The following GATAD2B variants were observed in gnomAD, a reference collection of about 807,000 sequenced individuals.
GATAD2B encodes transcriptional repressor p66-beta.
GATAD2B carries 8 observed loss-of-function variants against 64.3 expected under a neutral mutation model. The observed-to-expected ratio is 0.12, with a 90% confidence interval of 0.07 to 0.22. GATAD2B has a LOEUF of 0.22. Among genes scored for constraint, GATAD2B ranks in the 10% least tolerant of loss-of-function variants. The pLI is 1.00. For missense variants in GATAD2B, 453 were observed against 752.0 expected (o/e 0.60, Z 4.65); for synonymous variants, 281 against 271.3 (o/e 1.04, Z -0.35).
intron 1 of GATAD2B, among the ~76,000 whole-genome samples, chr1:153,874,372 G>A (rs975288734): frequency 6.6e-6 from 1 of 152,054 alleles, no homozygotes; most frequent in African/African-American, 2.4e-5. Context: ...CTACTATGAA[G>A]TGCCCCTAAG....
intron 2 of GATAD2B, among the ~76,000 whole-genome samples, chr1:153,826,597 C>T (rs1674885921): frequency 6.6e-6 from 1 of 151,954 alleles, no homozygotes; most frequent in South Asian, 2.1e-4. Context: ...TACCATTGCA[C>T]TCAGCCTGGG....
intron 1 of GATAD2B, among the ~76,000 whole-genome samples, chr1:153,847,435 A>C (rs1170087112): frequency 1.3e-5 from 2 of 152,248 alleles, no homozygotes; most frequent in African/African-American, 4.8e-5. Context: ...CCCAGCCTGA[A>C]GCGCACTGGT....
intron 1 of GATAD2B, among the ~76,000 whole-genome samples, chr1:153,863,978 G>C (rs1226433845): frequency 6.6e-6 from 1 of 152,030 alleles, no homozygotes; most frequent in Non-Finnish European, 1.5e-5. Flanking sequence ...CTTTCCTTAG[G>C]AATATTTTTT....
rs1213153666 is a variant in GATAD2B, at chr1:153,837,516, T to C, written c.-1-9168A>G. Among the ~76,000 whole-genome samples the C allele has an allele frequency of 2.6e-5, 4 of 152,154 alleles. No individual in the cohort carries two copies. In the South Asian group the frequency reaches 6.2e-4, roughly 24 times the overall value. Reference sequence around the variant, plus strand: ...GATAGTGGTGATGGTTGCAAAACAATGTGAATGTACTTAAATCCACTGAAT... The same window carrying C: ...GATAGTGGTGATGGTTGCAAAACAACGTGAATGTACTTAAATCCACTGAAT... On this transcript the variant is annotated intron_variant, in intron 1 of 10. Coordinates refer to ENST00000368655, the MANE Select transcript of GATAD2B (RefSeq NM_020699.4).
intron 1 of GATAD2B, among the ~76,000 whole-genome samples, chr1:153,873,988 G>A (rs1052607005): frequency 5.9e-5 from 9 of 151,766 alleles, no homozygotes; most frequent in Admixed American, 5.3e-4. Context: ...GACCGGGTGC[G>A]GTGGCTCATG....
At chr1:153,867,995 T>G (rs972210007) in intron 1 of GATAD2B, among the ~76,000 whole-genome samples, 4 of 152,094 alleles carry the variant, frequency 2.6e-5, no homozygotes, top group African/African-American at 9.7e-5. Context: ...GGTCAGGAGT[T>G]CAAGACCAGC....
At chr1:153,853,409 C>T (rs907148420) in intron 1 of GATAD2B, 3 of 647,798 alleles carry the variant, frequency 4.6e-6, no homozygotes, top group Admixed American at 2.3e-5. Flanking sequence ...GCAACAGATG[C>T]CATTTTTCTT....
chr1:153,828,592 T>C (rs1674968948), intron 1 of GATAD2B, among the ~76,000 whole-genome samples: 1 of 152,048 alleles, frequency 6.6e-6, no homozygotes, highest in South Asian at 2.1e-4. Flanking sequence ...TTAAGTAAAC[T>C]TAAATCTACA....
intron 8 of GATAD2B, 60 bp downstream of exon 8, chr1:153,813,190 C>A (rs117896460): frequency 1.0e-5 from 14 of 1,345,476 alleles, no homozygotes; most frequent in Non-Finnish European, 1.3e-5. Context: ...AACTAGAAGG[C>A]GCGACCCTTT....
intron 1 of GATAD2B, chr1:153,890,950 G>T (rs113489222): frequency 0.26 from 39,423 of 152,058 alleles, 5,612 homozygotes; most frequent in Admixed American, 0.38. Context: ...TTGGGAGGCC[G>T]AGGTGGGAGG....
chr1:153,841,124 C>CAAAAAAAAAAAA (rs941317761), intron 1 of GATAD2B, among the ~76,000 whole-genome samples: 1 of 77,438 alleles, frequency 1.3e-5, no homozygotes, highest in East Asian at 3.3e-4. Flanking sequence ...GACTCCGTCT[C>CAAAAAAAAAAAA]AAAAAAAAAA....
intron 1 of GATAD2B, among the ~76,000 whole-genome samples, chr1:153,898,197 T>C (rs1386506274): frequency 6.8e-6 from 1 of 147,708 alleles, no homozygotes; most frequent in Non-Finnish European, 1.5e-5. Context: ...TCCCAGCTAC[T>C]AGAGAGGCTA....
intron 1 of GATAD2B, among the ~76,000 whole-genome samples, chr1:153,884,899 C>T (rs763461613): frequency 1.4e-3 from 208 of 151,878 alleles, no homozygotes; most frequent in Non-Finnish European, 2.2e-3. Flanking sequence ...TGGGATTACA[C>T]GGGCCTGCCA....
At chr1:153,913,115 A>G (rs1678155756) in intron 1 of GATAD2B, among the ~76,000 whole-genome samples, 1 of 151,106 alleles carries the variant, frequency 6.6e-6, no homozygotes, top group African/African-American at 2.4e-5. Flanking sequence ...TTTAGTAGAG[A>G]CAGGGTTTCA....
intron 1 of GATAD2B, among the ~76,000 whole-genome samples, chr1:153,906,585 ATGT>A (rs1468328267): frequency 3.9e-5 from 6 of 152,144 alleles, no homozygotes; most frequent in Non-Finnish European, 5.9e-5. Flanking sequence ...ATGCTTCATG[ATGT>A]TGGACTTGAC....
chr1:153,862,507 G>GA (rs1486479706), intron 1 of GATAD2B, among the ~76,000 whole-genome samples: 4 of 151,962 alleles, frequency 2.6e-5, no homozygotes, highest in African/African-American at 9.7e-5. Flanking sequence ...TTTTATAGAC[G>GA]AAAAAATCAG....
At chr1:153,897,272 G>A (rs1332323564) in intron 1 of GATAD2B, among the ~76,000 whole-genome samples, 1 of 151,970 alleles carries the variant, frequency 6.6e-6, no homozygotes, top group Admixed American at 6.6e-5. Flanking sequence ...CTCGTGATCC[G>A]CCCACCTCGG....
At chr1:153,863,491 C>T (rs1213830964) in intron 1 of GATAD2B, among the ~76,000 whole-genome samples, 4 of 145,498 alleles carry the variant, frequency 2.7e-5, no homozygotes, top group Admixed American at 7.0e-5. Flanking sequence ...AGTGAACCTC[C>T]GTCTCAAAAG....
intron 1 of GATAD2B, among the ~76,000 whole-genome samples, chr1:153,904,337 TAAAG>T (rs1449443345): frequency 2.0e-5 from 3 of 151,638 alleles, no homozygotes; most frequent in African/African-American, 4.8e-5. Flanking sequence ...TGTATATGTA[TAAAG>T]AAACTCTAAT....
Sources: gnomAD v4.1 joint callset for allele counts (sites outside exome capture counted in the v4.1 genomes callset) on GRCh38, gnomAD v4.1.1 for gene constraint, MANE v1.5 for transcripts, NCBI Gene and HGNC (gene_info 2026-07-23, HGNC 2026-07-21) for gene names.